Variants in GPR155 observed in about 807,000 individuals in gnomAD.
GPR155 encodes G protein-coupled receptor 155.
Under a neutral mutation model 93.1 loss-of-function variants are expected in GPR155, and 65 were observed. The ratio of observed to expected loss-of-function variants is 0.70; its 90% CI spans 0.57 to 0.86. The LOEUF (loss-of-function observed/expected upper bound fraction) is 0.86, where lower values mean the gene tolerates loss of function less well. Ranked by LOEUF, GPR155 falls within the 40% of genes least tolerant of loss-of-function variation. GPR155 has a pLI of 0.00. For missense variants in GPR155, 838 were observed against 1,034.8 expected, an observed-to-expected ratio of 0.81 and a Z score of 2.61; for synonymous variants, 319 against 360.1, an observed-to-expected ratio of 0.89 and a Z score of 1.29.
At chr2:174,442,088 A>G (rs2105669361) in intron 14 of GPR155, 31 bp downstream of exon 14, 1 of 1,043,324 alleles carries the variant, frequency 9.6e-7, no homozygotes, top group Non-Finnish European at 1.5e-6. Context: ...TCACATTTAC[A>G]GATACAGATT....
intron 13 of GPR155, among the ~76,000 whole-genome samples, chr2:174,444,688 G>T (rs149017501): frequency 0.15 from 22,134 of 151,668 alleles, 2,156 homozygotes; most frequent in Non-Finnish European, 0.23. Flanking sequence ...TAGAGATGGG[G>T]TTTCACCATG....
chr2:174,475,005 A>T (rs2105731543), intron 2 of GPR155, among the ~76,000 whole-genome samples: 1 of 152,270 alleles, frequency 6.6e-6, no homozygotes, highest in Middle Eastern at 3.4e-3. Context: ...GTAAAAGATT[A>T]GGTTTCTCGG....
intron 4 of GPR155, among the ~76,000 whole-genome samples, chr2:174,469,477 T>C (rs944630369): frequency 2.0e-5 from 3 of 152,204 alleles, no homozygotes; most frequent in East Asian, 1.9e-4. Flanking sequence ...AATAACAGAA[T>C]TGACCTCCAT....
In GPR155 at chr2:174,435,861, T is replaced by C. The variant is rs964216946; in HGVS notation, c.*255A>G. ...ACCAATCCCCTTGGATACTAAAGGATGACTATATTATATTCATTATCAGAA... is the reference window on the plus strand; with the variant it reads ...ACCAATCCCCTTGGATACTAAAGGACGACTATATTATATTCATTATCAGAA... On this transcript the variant is annotated 3_prime_UTR_variant, in exon 16 of 16. Transcript: ENST00000392552. The C allele has an allele frequency of 2.4e-6, 1 of 410,478 alleles. No homozygotes were observed. The highest frequency in any genetic ancestry group is 4.4e-6 in the Non-Finnish European group (1 of 229,076). 25.4% of individuals were successfully genotyped at this position (410,478 alleles called of 1,614,324 possible).
intron 1 of GPR155, among the ~76,000 whole-genome samples, chr2:174,482,706 C>G (rs531943143): frequency 6.6e-6 from 1 of 152,218 alleles, no homozygotes; most frequent in South Asian, 2.1e-4. Flanking sequence ...CGACATGTTG[C>G]TTAGGCTGGT....
At chr2:174,439,608 T>C (rs1686893034) in intron 15 of GPR155, among the ~76,000 whole-genome samples, 1 of 152,204 alleles carries the variant, frequency 6.6e-6, no homozygotes, top group Non-Finnish European at 1.5e-5. Flanking sequence ...GAAATCAGTG[T>C]CAATATTCTA....
rs534130713 is a variant in GPR155, at chr2:174,461,800, T to G, written c.1385-128A>C. Reference sequence around the variant, plus strand: ...TAGTGTGTGGTTTTTGCTTTAGAATTTCTTCCTTCTAAATAAATGCTATCC... The same window carrying G: ...TAGTGTGTGGTTTTTGCTTTAGAATGTCTTCCTTCTAAATAAATGCTATCC... On this transcript the variant is annotated intron_variant, in intron 7 of 15. Coordinates refer to ENST00000392552, the MANE Select transcript of GPR155 (RefSeq NM_152529.7). The G allele has an allele frequency of 9.1e-4, 553 of 605,342 alleles. 1 individual carries two copies. Among genetic ancestry groups the G allele is most frequent in the South Asian group, 1.7e-3 (79 of 45,344 alleles). The allele number at this position is 605,342 out of a possible 1,614,324, so 37.5% of individuals were successfully genotyped here.
At chr2:174,453,862 G>T (rs12468711) in intron 10 of GPR155, 21 bp from the exon 11 acceptor site, 395,658 of 1,523,956 alleles carry the variant, frequency 0.26, 60,804 homozygotes, top group East Asian at 0.67. Flanking sequence ...CAAATAGTAT[G>T]TGAGAGTAGA....
At position 174,446,665 on chromosome 2, in the gene GPR155, C is replaced by T; in HGVS notation, c.1959G>A (p.Gln653=). 1.9e-6 allele frequency: 3 copies of T among 1,613,980 alleles called. No homozygotes were observed. Among genetic ancestry groups the T allele is most frequent in the Non-Finnish European group, 2.5e-6 (3 of 1,179,840 alleles). ...EEEQYLQSGD[Q]QLTRHVLLCL... is the part of the protein sequence containing the mutation. ...ACAGCAACACATGTCGGGTCAGTTG[C>T]TGGTCTCCACTCTGTAGATACTGTT... The change falls in exon 12 of 16, where the codon CAG becomes CAA. Residue 653 remains glutamine (Q), a synonymous_variant. Transcript: ENST00000392552.
intron 10 of GPR155, among the ~76,000 whole-genome samples, chr2:174,456,840 A>C (rs902448467): frequency 6.6e-6 from 1 of 152,232 alleles, no homozygotes; most frequent in African/African-American, 2.4e-5. Flanking sequence ...AAAATGTAAA[A>C]GCATATAAAA....
intron 10 of GPR155, among the ~76,000 whole-genome samples, chr2:174,457,571 C>G (rs1687556373): frequency 6.6e-6 from 1 of 152,138 alleles, no homozygotes; most frequent in Non-Finnish European, 1.5e-5. Context: ...ATTCTTCTGC[C>G]TCAGCCTCTG....
At chr2:174,459,168 T>A (rs1687607703) in intron 10 of GPR155, among the ~76,000 whole-genome samples, 1 of 152,204 alleles carries the variant, frequency 6.6e-6, no homozygotes, top group African/African-American at 2.4e-5. Context: ...AGATTTGGCC[T>A]ATGGACTATA....
rs1686687094 is a variant in GPR155, at chr2:174,433,200, A to G, written c.*2916T>C. Reference sequence around the variant, plus strand: ...TAAATAAATATCTGAAACGTTTAAAATAAGTTAAACTAGCACTGACATCTA... The same window carrying G: ...TAAATAAATATCTGAAACGTTTAAAGTAAGTTAAACTAGCACTGACATCTA... On this transcript the variant is annotated 3_prime_UTR_variant, in exon 16 of 16. Coordinates refer to ENST00000392552, the MANE Select transcript of GPR155 (RefSeq NM_152529.7). 1 of 152,204 alleles carries G rather than the reference A, an allele frequency of 6.6e-6. No homozygotes were observed. Among genetic ancestry groups the G allele is most frequent in the African/African-American group, 2.4e-5 (1 of 41,448 alleles). The allele number at this position is 152,204 out of a possible 1,614,324, so 9.4% of individuals were successfully genotyped here. A position where few individuals can be genotyped will look rare whatever the true frequency, so the allele number is the denominator to read the frequency against.
In GPR155 at chr2:174,435,971, G is replaced by T; in HGVS notation, c.*145C>A. ...AAATCACAGACCCTGCGCATGTGGT[G>T]GGAGCACATCTTTTCACATTTTACA... On this transcript the variant is annotated 3_prime_UTR_variant, in exon 16 of 16. Coordinates refer to ENST00000392552, the MANE Select transcript of GPR155 (RefSeq NM_152529.7). 1.6e-6 allele frequency: 1 copy of T among 635,334 alleles called. No individual in the cohort carries two copies. The allele number at this position is 635,334 out of a possible 1,614,324, so 39.4% of individuals were successfully genotyped here.
chr2:174,438,611 G>T (rs899001942), intron 15 of GPR155, among the ~76,000 whole-genome samples: 1 of 152,122 alleles, frequency 6.6e-6, no homozygotes. Flanking sequence ...GGGTTCAAGC[G>T]ATTCTTGTGC....
intron 15 of GPR155, among the ~76,000 whole-genome samples, chr2:174,439,193 TCATA>T (rs140652770): frequency 0.021 from 3,240 of 152,276 alleles, 101 homozygotes; most frequent in African/African-American, 0.071. Context: ...ATATGAATTT[TCATA>T]CATTTCATAT....
chr2:174,437,576 CCTTT>C (rs1686823885), intron 15 of GPR155, among the ~76,000 whole-genome samples: 1 of 131,598 alleles, frequency 7.6e-6, no homozygotes, highest in Non-Finnish European at 1.6e-5. Context: ...TGGCCTAACA[CCTTT>C]TTTTTTTTTT....
In GPR155 at chr2:174,469,055, T is replaced by C. The variant is rs1333106640; in HGVS notation, c.1039A>G (p.Met347Val). The C allele has an allele frequency of 4.3e-6, 7 of 1,613,584 alleles. No individual in the cohort carries two copies. In the Admixed American group the frequency reaches 1.2e-4, roughly 27 times the overall value. ...NMEVEIITSG[M>V]VISTFVSAPI... ...GCAGACACAAATGTGCTTATCACCA[T>C]CCCTGAGGTTATCTGCAAAAATGAA... The change falls in exon 5 of 16, where the codon ATG (methionine) becomes GTG (valine). Residue 347 changes from methionine (M) to valine (V), a missense_variant. This residue lies in a region of GPR155 where 663 missense variants were observed against 790.1 expected (regional missense o/e 0.84). Transcript: ENST00000392552.
chr2:174,452,498 A>G (rs906521322), intron 11 of GPR155, among the ~76,000 whole-genome samples: 2 of 152,188 alleles, frequency 1.3e-5, no homozygotes, highest in Admixed American at 1.3e-4. Context: ...CAAAAAGAGC[A>G]TTTTTGGGGG....
Sources: allele counts gnomAD v4.1 joint callset (sites outside exome capture counted in the v4.1 genomes callset), GRCh38; gene constraint gnomAD v4.1.1; regional missense constraint gnomAD v4.1.1; transcripts MANE v1.5; gene names NCBI Gene and HGNC (gene_info 2026-07-23, HGNC 2026-07-21).